ATF2: variants seen among roughly 807,000 people sequenced by gnomAD.
ATF2 encodes activating transcription factor 2.
ATF2 carries 24 observed loss-of-function variants against 60.6 expected under a neutral mutation model. The observed-to-expected ratio is 0.40, with a 90% CI of 0.29 to 0.56. The LOEUF is 0.56. Ranked by LOEUF, ATF2 falls within the 20% of genes least tolerant of loss-of-function variation. The pLI is 0.54. For missense variants in ATF2, 433 were observed against 607.7 expected, an observed-to-expected ratio of 0.71 and a Z score of 3.02; for synonymous variants, 206 against 215.4, an observed-to-expected ratio of 0.96 and a Z score of 0.38.
intron 10 of ATF2, among the ~76,000 whole-genome samples, chr2:175,103,740 T>C (rs1559068249): frequency 6.6e-6 from 1 of 151,998 alleles, no homozygotes; most frequent in Non-Finnish European, 1.5e-5. Flanking sequence ...ATCTTAAAAT[T>C]CCCAGATGAT....
chr2:175,155,476 T>C (rs1028800211), intron 1 of ATF2, among the ~76,000 whole-genome samples: 4 of 152,220 alleles, frequency 2.6e-5, no homozygotes, highest in African/African-American at 9.6e-5. Flanking sequence ...CTTTATTGTA[T>C]AGTGTGATGA....
At position 175,114,044 on chromosome 2, in the gene ATF2, T is replaced by C; in HGVS notation, c.691A>G (p.Ile231Val). ...TTAGAACTTGTAATTGATGCAGGAATAGCAACAGGCATGGTTTGTCCATTA... is the reference window on the plus strand; with the variant it reads ...TTAGAACTTGTAATTGATGCAGGAACAGCAACAGGCATGGTTTGTCCATTA... ...LPNGQTMPVA[I>V]PASITSSNVH... is the part of the protein sequence containing the mutation. Residue 231 changes from isoleucine (I) to valine (V), a missense_variant, in exon 9 of 14, where the codon ATT (isoleucine) becomes GTT (valine). Around this residue, in one of 5 missense-constraint regions of ATF2, gnomAD observed 246 missense variants for 309.3 expected, o/e 0.80. Coordinates refer to ENST00000264110, the MANE Select transcript of ATF2 (RefSeq NM_001880.4). The C allele has an allele frequency of 1.2e-6, 2 of 1,613,108 alleles. No individual in the cohort carries two copies. The highest frequency in any genetic ancestry group is 1.7e-6 in the Non-Finnish European group (2 of 1,179,746).
intron 10 of ATF2, among the ~76,000 whole-genome samples, chr2:175,110,337 A>AAAATAAAT (rs77063696): frequency 2.3e-4 from 34 of 150,880 alleles, no homozygotes; most frequent in Middle Eastern, 3.4e-3. Flanking sequence ...TCCATCTCAA[A>AAAATAAAT]AAATAAATAA....
At chr2:175,167,913 G>C (rs1005494783) in intron 1 of ATF2, 137 bp downstream of exon 1, 1 of 371,346 alleles carries the variant, frequency 2.7e-6, no homozygotes, top group Non-Finnish European at 5.5e-6. Context: ...CAAGGGCTAA[G>C]GAGCACGTCA....
At chr2:175,115,440 A>G (rs1161984447) in intron 7 of ATF2, among the ~76,000 whole-genome samples, 1 of 152,204 alleles carries the variant, frequency 6.6e-6, no homozygotes, top group African/African-American at 2.4e-5. Context: ...ATAAATAATT[A>G]CCGGAGTGAA....
chr2:175,091,329 T>C (rs1694533756), intron 12 of ATF2, among the ~76,000 whole-genome samples: 1 of 152,064 alleles, frequency 6.6e-6, no homozygotes, highest in Admixed American at 6.5e-5. Context: ...GTCATACAAC[T>C]ATAAAATAGC....
chr2:175,118,768 A>G (rs766267085), intron 5 of ATF2, among the ~76,000 whole-genome samples: 1 of 151,686 alleles, frequency 6.6e-6, no homozygotes, highest in African/African-American at 2.4e-5. Flanking sequence ...AAGAGCATGT[A>G]TATCTGCTTT....
At position 175,114,755 on chromosome 2, in the gene ATF2, C is replaced by G; in HGVS notation, c.561G>C (p.Gln187His). The G allele has an allele frequency of 3.7e-6, 6 of 1,613,976 alleles. No homozygotes were observed. The highest frequency in any genetic ancestry group is 5.1e-6 in the Non-Finnish European group (6 of 1,179,930). Residue 187 changes from glutamine to histidine, a missense_variant, in exon 8 of 14, where the codon CAG (glutamine) becomes CAC (histidine). Coordinates refer to ENST00000264110, the MANE Select transcript of ATF2 (RefSeq NM_001880.4). ...TACTTGAGGTTGGTGAAGGTACTGC[C>G]TGCTGAATAATTACACTTGAGTCAG... ...TSSDSSVIIQ[Q>H]AVPSPTSSTV... is the part of the protein sequence containing the mutation.
chr2:175,167,785 C>T lies in ATF2; in HGVS notation c.-143+265G>A, dbSNP rs918285499. On this transcript the variant is annotated intron_variant, in intron 1 of 13. Coordinates refer to ENST00000264110, the MANE Select transcript of ATF2 (RefSeq NM_001880.4). Reference sequence around the variant, plus strand: ...TTTTCCTCTGCCTTAGGAAAGCGCGCGAGAGGGAGGGGCCGGAACAACGAA... The same window carrying T: ...TTTTCCTCTGCCTTAGGAAAGCGCGTGAGAGGGAGGGGCCGGAACAACGAA... 8.8e-6 allele frequency: 4 copies of T among 452,468 alleles called. No homozygotes were observed. The Middle Eastern group carries it at 9.9e-4, about 112-fold the overall frequency. 28.0% of individuals were successfully genotyped at this position (452,468 alleles called of 1,614,324 possible). A position where few individuals can be genotyped will look rare whatever the true frequency, so the allele number is the denominator to read the frequency against.
chr2:175,156,384 A>AC (rs1159945706), intron 1 of ATF2, among the ~76,000 whole-genome samples: 7 of 148,588 alleles, frequency 4.7e-5, no homozygotes, highest in Admixed American at 1.3e-4. Flanking sequence ...AAACAAAAAA[A>AC]AAAAAAAAAA....
intron 9 of ATF2, among the ~76,000 whole-genome samples, chr2:175,113,267 T>A (rs926061213): frequency 4.6e-5 from 7 of 151,460 alleles, no homozygotes; most frequent in African/African-American, 1.7e-4. Context: ...ATTAAACTAT[T>A]ACTTTTTTTT....
At chr2:175,108,241 G>C (rs527983110) in intron 10 of ATF2, among the ~76,000 whole-genome samples, 1 of 150,958 alleles carries the variant, frequency 6.6e-6, no homozygotes, top group Non-Finnish European at 1.5e-5. Context: ...GAGAAGTGAG[G>C]AGCCCCTCCG....
At chr2:175,079,621 C>T (rs1184769896) in intron 13 of ATF2, among the ~76,000 whole-genome samples, 3 of 152,048 alleles carry the variant, frequency 2.0e-5, no homozygotes, top group South Asian at 2.1e-4. Context: ...GCTAAATCTA[C>T]GGAATCTTTT....
At chr2:175,084,085 C>T (rs10875453) in intron 12 of ATF2, among the ~76,000 whole-genome samples, 5 of 152,078 alleles carry the variant, frequency 3.3e-5, no homozygotes, top group East Asian at 1.9e-4. Context: ...GTCAGTGTGG[C>T]GATTCCTCAG....
intron 1 of ATF2, among the ~76,000 whole-genome samples, chr2:175,155,381 T>C (rs1699609743): frequency 6.6e-6 from 1 of 152,232 alleles, no homozygotes; most frequent in African/African-American, 2.4e-5. Flanking sequence ...CTTCTGGCTT[T>C]CCCTGTCTTA....
chr2:175,086,321 G>T (rs1298817947), intron 12 of ATF2, among the ~76,000 whole-genome samples: 1 of 152,128 alleles, frequency 6.6e-6, no homozygotes, highest in Admixed American at 6.5e-5. Context: ...ACAATTACTG[G>T]CTAGGAATTG....
chr2:175,078,350 G>C (rs1044080116), intron 13 of ATF2, among the ~76,000 whole-genome samples: 7 of 152,138 alleles, frequency 4.6e-5, no homozygotes, highest in African/African-American at 1.7e-4. Context: ...TAATTATAGA[G>C]ACAATTATAA....
At chr2:175,107,333 A>T (rs906718931) in intron 10 of ATF2, among the ~76,000 whole-genome samples, 2 of 152,190 alleles carry the variant, frequency 1.3e-5, no homozygotes, top group Non-Finnish European at 2.9e-5. Context: ...GCTGGTAGGA[A>T]TGTAAACCTT....
intron 2 of ATF2, among the ~76,000 whole-genome samples, chr2:175,148,269 A>C (rs541291045): frequency 1.3e-5 from 2 of 152,236 alleles, no homozygotes; most frequent in Admixed American, 6.5e-5. Flanking sequence ...CATTCCCTAA[A>C]TACCTAGCCA....
Sources: gnomAD v4.1 joint callset for allele counts (sites outside exome capture counted in the v4.1 genomes callset) on GRCh38, gnomAD v4.1.1 for gene constraint, gnomAD v4.1.1 regional missense constraint, MANE v1.5 for transcripts, NCBI Gene and HGNC (gene_info 2026-07-23, HGNC 2026-07-21) for gene names.